The following WDFY4 variants were observed in gnomAD, a reference collection of about 807,000 sequenced individuals.
The protein encoded by WDFY4 is WD repeat- and FYVE domain-containing protein 4.
A neutral mutation model predicts 351.9 loss-of-function variants in WDFY4; 169 were observed. The ratio of observed to expected loss-of-function variants is 0.48; its 90% confidence interval spans 0.42 to 0.55. WDFY4 has a LOEUF of 0.55. Among genes scored for constraint, WDFY4 ranks in the 20% least tolerant of loss-of-function variants. The probability of loss-of-function intolerance (pLI) is 0.00; values close to 1 mark genes in which losing one functional copy is unlikely to be tolerated. For missense variants in WDFY4, 3,803 were observed against 3,935.6 expected, an observed-to-expected ratio of 0.97 and a Z score of 0.90; for synonymous variants, 1,622 against 1,574.6, an observed-to-expected ratio of 1.03 and a Z score of -0.71.
chr10:48,723,732 G>A (rs2064169515), intron 5 of WDFY4, among the ~76,000 whole-genome samples, 165 bp downstream of exon 5: 1 of 152,010 alleles, frequency 6.6e-6, no homozygotes, highest in South Asian at 2.1e-4. Context: ...CCACTGCACA[G>A]TCTGCCCCAC....
intron 24 of WDFY4, among the ~76,000 whole-genome samples, chr10:48,799,315 A>G (rs1375512153): frequency 6.6e-6 from 1 of 152,264 alleles, no homozygotes; most frequent in Non-Finnish European, 1.5e-5. Context: ...AATAAAATTT[A>G]AAAGATTGAG....
intron 49 of WDFY4, among the ~76,000 whole-genome samples, chr10:48,944,555 C>T (rs931801890): frequency 5.3e-5 from 8 of 152,194 alleles, no homozygotes; most frequent in Non-Finnish European, 1.0e-4. Context: ...GCCAGTCCTG[C>T]GTAGGGCTGC....
intron 54 of WDFY4, among the ~76,000 whole-genome samples, chr10:48,965,345 C>A (rs370485710): frequency 6.6e-6 from 1 of 152,190 alleles, no homozygotes; most frequent in Non-Finnish European, 1.5e-5. Context: ...GTGTCCCAGT[C>A]TGAAGACAAG....
At chr10:48,907,347 G>A (rs1354556710) in intron 47 of WDFY4, among the ~76,000 whole-genome samples, 1 of 152,126 alleles carries the variant, frequency 6.6e-6, no homozygotes, top group Admixed American at 6.5e-5. Context: ...AAGCATCCCC[G>A]GGCTGGAGAA....
At chr10:48,833,141 A>G (rs999634652) in intron 39 of WDFY4, among the ~76,000 whole-genome samples, 3 of 141,716 alleles carry the variant, frequency 2.1e-5, no homozygotes, top group South Asian at 4.5e-4. Context: ...GGCACCAACA[A>G]TGTGTGTGTG....
chr10:48,722,977 C>A (rs779582720), intron 4 of WDFY4, among the ~76,000 whole-genome samples: 1 of 152,160 alleles, frequency 6.6e-6, no homozygotes, highest in African/African-American at 2.4e-5. Context: ...TGGGGAGGGG[C>A]CTGATCAGGT....
chr10:48,688,612 T>C (rs1012261558), intron 1 of WDFY4, among the ~76,000 whole-genome samples: 1 of 152,196 alleles, frequency 6.6e-6, no homozygotes, highest in Non-Finnish European at 1.5e-5. Context: ...TGATTCTTGT[T>C]CAAAATGCAA....
intron 39 of WDFY4, among the ~76,000 whole-genome samples, chr10:48,866,290 AT>A (rs2069540460): frequency 6.6e-6 from 1 of 151,532 alleles, no homozygotes; most frequent in South Asian, 2.1e-4. Flanking sequence ...TTGTGTCTTT[AT>A]TTTTATTCAT....
intron 40 of WDFY4, among the ~76,000 whole-genome samples, chr10:48,873,186 C>G (rs1404782877): frequency 6.6e-6 from 1 of 152,232 alleles, no homozygotes; most frequent in African/African-American, 2.4e-5. Flanking sequence ...TGCTGATGAG[C>G]TGCTACAGGA....
At chr10:48,745,670 C>G (rs892287790) in intron 12 of WDFY4, 3 of 577,744 alleles carry the variant, frequency 5.2e-6, no homozygotes, top group African/African-American at 3.8e-5. Context: ...TTCCTCTTCT[C>G]CTCCAGGGTG....
intron 52 of WDFY4, among the ~76,000 whole-genome samples, chr10:48,958,874 G>A (rs1448608641): frequency 6.6e-6 from 1 of 152,152 alleles, no homozygotes; most frequent in South Asian, 2.1e-4. Flanking sequence ...GTGATGAGAA[G>A]GGCCAGGCCA....
intron 49 of WDFY4, among the ~76,000 whole-genome samples, chr10:48,945,270 G>A (rs994862978): frequency 6.6e-6 from 1 of 152,138 alleles, no homozygotes; most frequent in African/African-American, 2.4e-5. Flanking sequence ...CAGCTACTTG[G>A]GAGGCTGAGG....
chr10:48,812,196 T>TG (rs1555021088), intron 30 of WDFY4, among the ~76,000 whole-genome samples: 4 of 149,460 alleles, frequency 2.7e-5, no homozygotes, highest in African/African-American at 7.6e-5. Flanking sequence ...TTTTGTTTTT[T>TG]TTGTTTTTTT....
At chr10:48,688,589 T>C (rs2063115327) in intron 1 of WDFY4, among the ~76,000 whole-genome samples, 2 of 152,180 alleles carry the variant, frequency 1.3e-5, no homozygotes, top group African/African-American at 2.4e-5. Context: ...TTTTGGACTG[T>C]TGCTATTTGG....
intron 43 of WDFY4, among the ~76,000 whole-genome samples, chr10:48,883,251 C>G (rs1021533941): frequency 1.3e-5 from 2 of 152,198 alleles, no homozygotes; most frequent in East Asian, 3.9e-4. Context: ...CTGGAGGGCC[C>G]CTGGTCCACT....
chr10:48,697,384 C>G (rs12254896), intron 1 of WDFY4, among the ~76,000 whole-genome samples: 1 of 152,136 alleles, frequency 6.6e-6, no homozygotes. Context: ...CACCTGGGGA[C>G]GTGTTGCAAT....
intron 24 of WDFY4, among the ~76,000 whole-genome samples, chr10:48,800,399 G>A (rs2067026282): frequency 6.6e-6 from 1 of 152,156 alleles, no homozygotes; most frequent in Non-Finnish European, 1.5e-5. Flanking sequence ...TTGTGAGGAA[G>A]GGAGAGACAG....
At chr10:48,691,337 G>T (rs141635706) in intron 1 of WDFY4, among the ~76,000 whole-genome samples, 1 of 152,170 alleles carries the variant, frequency 6.6e-6, no homozygotes, top group East Asian at 1.9e-4. Flanking sequence ...AGCACCCTTG[G>T]TGTGGGCTGG....
At chr10:48,880,222 C>A (rs1013074446) in intron 43 of WDFY4, among the ~76,000 whole-genome samples, 1 of 152,164 alleles carries the variant, frequency 6.6e-6, no homozygotes, top group African/African-American at 2.4e-5. Context: ...GTCAGGGACC[C>A]GAGTGAGTCC....
Sources: gnomAD v4.1 joint callset for allele counts (sites outside exome capture counted in the v4.1 genomes callset) on GRCh38, gnomAD v4.1.1 for gene constraint, MANE v1.5 for transcripts, NCBI Gene and HGNC (gene_info 2026-07-23, HGNC 2026-07-21) for gene names.